The following MBD5 variants were observed in gnomAD, a reference collection of about 807,000 sequenced individuals.
MBD5 encodes methyl-CpG-binding domain protein 5.
In MBD5, 13 loss-of-function variants were observed where a neutral mutation model predicts 117.3. The ratio of observed to expected loss-of-function variants is 0.11; its 90% CI spans 0.07 to 0.18. The LOEUF (loss-of-function observed/expected upper bound fraction) is 0.18. Ranked by LOEUF, MBD5 falls within the 10% of genes least tolerant of loss-of-function variation. MBD5 has a pLI of 1.00. For synonymous variants in MBD5, 727 were observed against 766.4 expected, an observed-to-expected ratio of 0.95 and a Z score of 0.85; for missense variants, 1,879 against 2,093.8, an observed-to-expected ratio of 0.90 and a Z score of 2.00.
chr2:148,207,754 G>A (rs150828470), intron 2 of MBD5, among the ~76,000 whole-genome samples: 18 of 150,194 alleles, frequency 1.2e-4, no homozygotes, highest in African/African-American at 3.9e-4. Context: ...ATATACCTGC[G>A]TTCATCACCC....
At chr2:148,422,864 G>T (rs1220026975) in intron 4 of MBD5, among the ~76,000 whole-genome samples, 2 of 152,112 alleles carry the variant, frequency 1.3e-5, no homozygotes, top group Admixed American at 1.3e-4. Context: ...ATGAAATAAA[G>T]TGAGAGGACA....
intron 3 of MBD5, among the ~76,000 whole-genome samples, chr2:148,340,437 A>G (rs1702907614): frequency 6.6e-6 from 1 of 152,112 alleles, no homozygotes; most frequent in Non-Finnish European, 1.5e-5. Flanking sequence ...GAAATTTTTA[A>G]CACAGTAGAC....
chr2:148,446,071 A>G (rs1706501094), intron 4 of MBD5, among the ~76,000 whole-genome samples: 1 of 150,430 alleles, frequency 6.6e-6, no homozygotes, highest in African/African-American at 2.5e-5. Flanking sequence ...ATTTTCTCCC[A>G]TTCTGTAGGT....
chr2:148,220,277 A>T (rs1699653448), intron 2 of MBD5, among the ~76,000 whole-genome samples: 1 of 152,182 alleles, frequency 6.6e-6, no homozygotes, highest in African/African-American at 2.4e-5. Flanking sequence ...GTAGGACAAG[A>T]TTTACTTAAA....
intron 5 of MBD5, among the ~76,000 whole-genome samples, chr2:148,460,680 A>G (rs1707040521): frequency 6.6e-6 from 1 of 152,168 alleles, no homozygotes; most frequent in Non-Finnish European, 1.5e-5. Context: ...TTTTACATTA[A>G]TTATTACTCT....
At chr2:148,302,532 A>G (rs1319429925) in intron 3 of MBD5, among the ~76,000 whole-genome samples, 1 of 152,236 alleles carries the variant, frequency 6.6e-6, no homozygotes, top group Admixed American at 6.5e-5. Flanking sequence ...AAGAGACTTA[A>G]ACTTATATCA....
At chr2:148,067,060 AGAT>A (rs1695217823) in intron 1 of MBD5, among the ~76,000 whole-genome samples, 2 of 152,210 alleles carry the variant, frequency 1.3e-5, no homozygotes, top group African/African-American at 2.4e-5. Flanking sequence ...AACTGAGTGT[AGAT>A]TTAAGGTTAG....
intron 3 of MBD5, among the ~76,000 whole-genome samples, chr2:148,280,606 T>G (rs1701226185): frequency 6.6e-6 from 1 of 152,096 alleles, no homozygotes; most frequent in African/African-American, 2.4e-5. Context: ...TATTTTTGTA[T>G]TTTTGGTAGA....
intron 1 of MBD5, among the ~76,000 whole-genome samples, chr2:148,105,439 G>A (rs902440532): frequency 2.0e-5 from 3 of 151,870 alleles, no homozygotes; most frequent in South Asian, 4.1e-4. Flanking sequence ...GGTTGGTCTC[G>A]AACTCCTGAC....
chr2:148,165,944 A>G (rs955086581), intron 1 of MBD5, among the ~76,000 whole-genome samples: 9 of 152,166 alleles, frequency 5.9e-5, no homozygotes, highest in African/African-American at 1.4e-4. Flanking sequence ...ATTTCAGTTC[A>G]TTATAAACAG....
chr2:148,248,223 T>C (rs1461118770), intron 3 of MBD5, among the ~76,000 whole-genome samples: 1 of 152,110 alleles, frequency 6.6e-6, no homozygotes, highest in Non-Finnish European at 1.5e-5. Flanking sequence ...CCTAGTAAAA[T>C]CAGCTATCAC....
intron 3 of MBD5, among the ~76,000 whole-genome samples, chr2:148,312,648 T>G (rs1702061433): frequency 6.6e-6 from 1 of 152,168 alleles, no homozygotes; most frequent in African/African-American, 2.4e-5. Flanking sequence ...GAAGCCTACT[T>G]CCGTCAATTT....
intron 4 of MBD5, among the ~76,000 whole-genome samples, chr2:148,452,527 C>T (rs1706759262): frequency 6.6e-6 from 1 of 151,804 alleles, no homozygotes; most frequent in South Asian, 2.1e-4. Flanking sequence ...ATAAAATACC[C>T]ATTTAACACT....
chr2:148,437,132 G>GC (rs11464534), intron 4 of MBD5, among the ~76,000 whole-genome samples: 152,203 of 152,204 alleles, frequency 1, 76,101 homozygotes, highest in Non-Finnish European at 1. Context: ...ACAGGCACGT[G>GC]CACCGCGCCT....
rs149981524 is a variant in MBD5 at position 148,503,767 on chromosome 2, A to G, written c.5036+1258A>G. On this transcript the variant is annotated intron_variant, in intron 12 of 13. Transcript: ENST00000642680. ...GTCCCTTCTACTCTTACTGAAGCAC[A>G]CTTGCTATGCAGAGCTTAGCAACAA... 2.4e-3 allele frequency among the ~76,000 whole-genome samples: 371 copies of G among 152,318 alleles called. 2 individuals carry two copies. Among genetic ancestry groups the G allele is most frequent in the East Asian group, 0.017 (88 of 5,180 alleles).
At chr2:148,126,233 TA>T (rs1696888267) in intron 1 of MBD5, among the ~76,000 whole-genome samples, 2 of 117,954 alleles carry the variant, frequency 1.7e-5, no homozygotes, top group East Asian at 5.5e-4. Flanking sequence ...TCGTTTCTAC[TA>T]AAAATAAAAA....
At chr2:148,051,570 A>G (rs961733024) in intron 1 of MBD5, among the ~76,000 whole-genome samples, 4 of 148,158 alleles carry the variant, frequency 2.7e-5, no homozygotes, top group Admixed American at 6.7e-5. Flanking sequence ...ATGTTCTGTC[A>G]GGCTGAGGAA....
At chr2:148,477,852 G>A (rs1323524694) in intron 8 of MBD5, among the ~76,000 whole-genome samples, 1 of 152,092 alleles carries the variant, frequency 6.6e-6, no homozygotes, top group African/African-American at 2.4e-5. Flanking sequence ...GAATTTTATA[G>A]ATAAAAATCA....
chr2:148,413,737 A>G (rs998030109), intron 4 of MBD5, among the ~76,000 whole-genome samples: 3 of 151,666 alleles, frequency 2.0e-5, no homozygotes, highest in Non-Finnish European at 4.4e-5. Context: ...AATTTCTTCT[A>G]GGTTTTCTAG....
Sources: allele counts gnomAD v4.1 joint callset (sites outside exome capture counted in the v4.1 genomes callset), GRCh38; gene constraint gnomAD v4.1.1; transcripts MANE v1.5; gene names NCBI Gene and HGNC (gene_info 2026-07-23, HGNC 2026-07-21).